The following B3GALT1 variants were observed in gnomAD, a reference collection of about 807,000 sequenced individuals.
B3GALT1 encodes the protein beta-1,3-galactosyltransferase 1.
Under a neutral mutation model 23.2 loss-of-function variants are expected in B3GALT1, and 10 were observed. That is an observed-to-expected ratio of 0.43 (90% CI 0.27 to 0.73). The LOEUF is 0.73. Among genes scored for constraint, B3GALT1 ranks in the 30% least tolerant of loss-of-function variants. B3GALT1 has a pLI of 0.21. For synonymous variants in B3GALT1, 156 were observed against 141.5 expected (o/e 1.10, Z -0.73); for missense variants, 299 against 405.4 (o/e 0.74, Z 2.25).
chr2:167,779,865 A>G (rs1379913952), intron 3 of B3GALT1, among the ~76,000 whole-genome samples: 1 of 152,238 alleles, frequency 6.6e-6, no homozygotes, highest in Non-Finnish European at 1.5e-5. Flanking sequence ...CCATCTGTTC[A>G]GAGAATTGAG....
chr2:167,499,992 CGT>C (rs1699830059), intron 2 of B3GALT1, among the ~76,000 whole-genome samples: 2 of 151,722 alleles, frequency 1.3e-5, no homozygotes, highest in African/African-American at 2.4e-5. Context: ...GTCCTGTGTG[CGT>C]GTGTGTTTGT....
intron 1 of B3GALT1, among the ~76,000 whole-genome samples, chr2:167,320,075 T>C (rs545959076): frequency 1.8e-4 from 27 of 152,246 alleles, no homozygotes; most frequent in Admixed American, 3.3e-4. Flanking sequence ...TGACTTCTTT[T>C]TGAAATAAAA....
At chr2:167,807,300 G>T (rs564755746) in intron 3 of B3GALT1, among the ~76,000 whole-genome samples, 5,295 of 152,046 alleles carry the variant, frequency 0.035, 144 homozygotes, top group South Asian at 0.069. Flanking sequence ...AGGGTTTTTT[G>T]TGTCTCTATT....
chr2:167,385,897 A>G (rs1373215241), intron 1 of B3GALT1, among the ~76,000 whole-genome samples: 1 of 152,234 alleles, frequency 6.6e-6, no homozygotes, highest in Non-Finnish European at 1.5e-5. Context: ...ATTTTCCAGC[A>G]TATAAACACA....
At chr2:167,355,584 C>A (rs1574046226) in intron 1 of B3GALT1, among the ~76,000 whole-genome samples, 1 of 152,154 alleles carries the variant, frequency 6.6e-6, no homozygotes, top group African/African-American at 2.4e-5. Flanking sequence ...TATATACTCT[C>A]CTAGATTTAT....
intron 2 of B3GALT1, among the ~76,000 whole-genome samples, chr2:167,563,486 C>A (rs13003578): frequency 1.2e-5 from 1 of 85,006 alleles, no homozygotes. Flanking sequence ...TAGGGGCGGC[C>A]GGGCAGAGGC....
intron 3 of B3GALT1, among the ~76,000 whole-genome samples, chr2:167,795,363 A>T (rs955634856): frequency 6.6e-6 from 1 of 152,182 alleles, no homozygotes; most frequent in Non-Finnish European, 1.5e-5. Flanking sequence ...GAAAATTTTA[A>T]TTGGGAAAAG....
intron 3 of B3GALT1, among the ~76,000 whole-genome samples, chr2:167,750,795 T>G (rs1410423513): frequency 6.6e-6 from 1 of 150,972 alleles, no homozygotes; most frequent in East Asian, 1.9e-4. Flanking sequence ...CTTTAGAGTG[T>G]CATATCCCTT....
chr2:167,649,452 C>G (rs1685821152), intron 3 of B3GALT1, among the ~76,000 whole-genome samples: 1 of 152,024 alleles, frequency 6.6e-6, no homozygotes, highest in Non-Finnish European at 1.5e-5. Flanking sequence ...ATTAAATAGT[C>G]TCTTTACATT....
intron 2 of B3GALT1, among the ~76,000 whole-genome samples, chr2:167,597,117 G>GT (rs1309406987): frequency 0.024 from 3,115 of 131,402 alleles, 43 homozygotes; most frequent in African/African-American, 0.031. Context: ...TTTTGTTTTT[G>GT]TTTTTTTTTT....
At chr2:167,722,107 T>C (rs1687244978) in intron 3 of B3GALT1, among the ~76,000 whole-genome samples, 1 of 152,218 alleles carries the variant, frequency 6.6e-6, no homozygotes, top group Admixed American at 6.5e-5. Context: ...AACTAATTAG[T>C]CTTCTCAAAT....
intron 3 of B3GALT1, among the ~76,000 whole-genome samples, chr2:167,719,479 A>G (rs903979182): frequency 2.0e-5 from 3 of 152,256 alleles, no homozygotes; most frequent in African/African-American, 7.2e-5. Context: ...TTTATAGAAA[A>G]TAGAATTTCA....
At chr2:167,679,834 T>A (rs1686496411) in intron 3 of B3GALT1, among the ~76,000 whole-genome samples, 8 of 152,262 alleles carry the variant, frequency 5.3e-5, no homozygotes, top group Admixed American at 5.2e-4. Flanking sequence ...TGTTAGTTGC[T>A]TTTAAATTTC....
At chr2:167,372,682 T>C (rs1697705130) in intron 1 of B3GALT1, among the ~76,000 whole-genome samples, 1 of 152,088 alleles carries the variant, frequency 6.6e-6, no homozygotes, top group Admixed American at 6.6e-5. Context: ...TGATTATTGA[T>C]GCCAAAAGCA....
intron 1 of B3GALT1, among the ~76,000 whole-genome samples, chr2:167,479,757 G>T (rs528957923): frequency 6.6e-6 from 1 of 151,988 alleles, no homozygotes; most frequent in Non-Finnish European, 1.5e-5. Flanking sequence ...CCAGTTCACC[G>T]AGACCGTGGT....
Position 167,352,638 on chromosome 2 carries a change from A to G in B3GALT1, c.-511+59304A>G, listed in dbSNP as rs541723302. ...CGGGAGGCTGAGGCAGGAGAATGGC[A>G]TGAACCTGGGAGGCGGAGACTGCAG... On this transcript the variant is annotated intron_variant, in intron 1 of 4. Coordinates refer to ENST00000392690, the MANE Select transcript of B3GALT1 (RefSeq NM_020981.4). Among the ~76,000 whole-genome samples, 596 of 151,598 alleles carry G rather than the reference A, an allele frequency of 3.9e-3. 6 individuals carry two copies. Among genetic ancestry groups the G allele is most frequent in the African/African-American group, 0.013 (551 of 41,336 alleles).
intron 1 of B3GALT1, among the ~76,000 whole-genome samples, chr2:167,487,782 G>A (rs962782728): frequency 8.5e-5 from 13 of 152,222 alleles, no homozygotes; most frequent in Non-Finnish European, 1.9e-4. Flanking sequence ...ATTGGAAAAC[G>A]GGTCTATTTG....
intron 3 of B3GALT1, among the ~76,000 whole-genome samples, chr2:167,683,347 G>A (rs1473948761): frequency 6.6e-6 from 1 of 152,112 alleles, no homozygotes. Context: ...ATAAAGCCCT[G>A]CCCCTCTGCA....
intron 1 of B3GALT1, among the ~76,000 whole-genome samples, chr2:167,328,559 T>G (rs1696929467): frequency 6.6e-6 from 1 of 152,170 alleles, no homozygotes; most frequent in South Asian, 2.1e-4. Context: ...AGTTGTAATG[T>G]CTCCTTTTTA....
Sources: gnomAD v4.1 joint callset for allele counts (sites outside exome capture counted in the v4.1 genomes callset) on GRCh38, gnomAD v4.1.1 for gene constraint, MANE v1.5 for transcripts, NCBI Gene and HGNC (gene_info 2026-07-23, HGNC 2026-07-21) for gene names.